Variants in DLGAP1 observed in about 807,000 individuals in gnomAD.
DLGAP1 encodes disks large-associated protein 1.
In DLGAP1, 11 loss-of-function variants were observed where a neutral mutation model predicts 90.8. That is an observed-to-expected ratio of 0.12 (90% CI 0.08 to 0.20). The LOEUF (loss-of-function observed/expected upper bound fraction) is 0.20, where lower values mean the gene tolerates loss of function less well. DLGAP1 is among the 10% of genes least tolerant of loss of function. The probability of loss-of-function intolerance (pLI) is 1.00; values close to 1 mark genes in which losing one functional copy is unlikely to be tolerated. For missense variants in DLGAP1, 1,050 were observed against 1,333.8 expected (o/e 0.79, Z 3.31); for synonymous variants, 558 against 540.7 (o/e 1.03, Z -0.44).
chr18:4,363,911 T>C (rs1217869607), intron 1 of DLGAP1, among the ~76,000 whole-genome samples: 2 of 152,068 alleles, frequency 1.3e-5, no homozygotes, highest in Non-Finnish European at 2.9e-5. Context: ...ACTGGGTATA[T>C]ACCCAAAGGA....
intron 2 of DLGAP1, among the ~76,000 whole-genome samples, chr18:4,052,073 T>C (rs2075141936): frequency 6.6e-6 from 1 of 152,170 alleles, no homozygotes; most frequent in East Asian, 1.9e-4. Flanking sequence ...CTGGCTGCTT[T>C]CATGGGCTGG....
At chr18:4,076,672 G>A (rs932917734) in intron 2 of DLGAP1, among the ~76,000 whole-genome samples, 3 of 151,944 alleles carry the variant, frequency 2.0e-5, no homozygotes, top group African/African-American at 7.3e-5. Flanking sequence ...TGCCCAGACT[G>A]GAGTGCAGTG....
At chr18:3,848,630 T>C (rs1444733340) in intron 4 of DLGAP1, among the ~76,000 whole-genome samples, 2 of 152,146 alleles carry the variant, frequency 1.3e-5, no homozygotes, top group Non-Finnish European at 2.9e-5. Flanking sequence ...TGTACTTCAG[T>C]GAATGGAACA....
At chr18:4,373,283 C>A (rs2144237130) in intron 1 of DLGAP1, among the ~76,000 whole-genome samples, 1 of 152,056 alleles carries the variant, frequency 6.6e-6, no homozygotes, top group South Asian at 2.1e-4. Flanking sequence ...AAACTGAAGA[C>A]AAGCAGGAGG....
intron 2 of DLGAP1, among the ~76,000 whole-genome samples, chr18:4,053,214 TTTAA>T (rs1424872371): frequency 6.6e-6 from 1 of 152,124 alleles, no homozygotes; most frequent in Non-Finnish European, 1.5e-5. Flanking sequence ...TGGAAAAAGG[TTTAA>T]TTGACTCACA....
At chr18:4,007,111 A>G (rs1329903131) in intron 2 of DLGAP1, among the ~76,000 whole-genome samples, 2 of 152,188 alleles carry the variant, frequency 1.3e-5, no homozygotes, top group Non-Finnish European at 2.9e-5. Flanking sequence ...ATACAAGAAT[A>G]ACCCTGGTGA....
chr18:3,583,589 G>A (rs140948361), intron 7 of DLGAP1, among the ~76,000 whole-genome samples: 25 of 152,238 alleles, frequency 1.6e-4, no homozygotes, highest in Admixed American at 3.9e-4. Flanking sequence ...ATCAGTCTTC[G>A]TGGGTTTGGT....
At chr18:3,644,920 T>C (rs1356732002) in intron 7 of DLGAP1, among the ~76,000 whole-genome samples, 1 of 152,116 alleles carries the variant, frequency 6.6e-6, no homozygotes, top group East Asian at 1.9e-4. Context: ...AGCTGTACAA[T>C]AGTGTACATA....
At chr18:3,768,854 C>A (rs1386270480) in intron 5 of DLGAP1, among the ~76,000 whole-genome samples, 1 of 152,086 alleles carries the variant, frequency 6.6e-6, no homozygotes, top group Non-Finnish European at 1.5e-5. Context: ...CTTTGGGATT[C>A]TAAGCTAGGC....
At chr18:3,838,931 A>G (rs1228317282) in intron 4 of DLGAP1, among the ~76,000 whole-genome samples, 1 of 152,226 alleles carries the variant, frequency 6.6e-6, no homozygotes, top group Non-Finnish European at 1.5e-5. Context: ...GTTAAAAAAA[A>G]ATCATGTCAT....
At chr18:3,627,661 C>G (rs1191121131) in intron 7 of DLGAP1, among the ~76,000 whole-genome samples, 1 of 151,754 alleles carries the variant, frequency 6.6e-6, no homozygotes, top group Non-Finnish European at 1.5e-5. Flanking sequence ...CCTTCTTTCT[C>G]TGCTATATAT....
intron 2 of DLGAP1, among the ~76,000 whole-genome samples, chr18:4,032,421 A>G (rs183328893): frequency 2.4e-4 from 37 of 152,330 alleles, no homozygotes; most frequent in Non-Finnish European, 3.5e-4. Context: ...TTTTTCCCCA[A>G]TAAAGTTTTG....
At chr18:3,688,082 T>C (rs2060763794) in intron 7 of DLGAP1, among the ~76,000 whole-genome samples, 1 of 152,008 alleles carries the variant, frequency 6.6e-6, no homozygotes, top group African/African-American at 2.4e-5. Flanking sequence ...AATTTTTGTA[T>C]TTTGTTTTAG....
chr18:3,628,106 C>G (rs2058373085), intron 7 of DLGAP1, among the ~76,000 whole-genome samples: 1 of 151,810 alleles, frequency 6.6e-6, no homozygotes, highest in African/African-American at 2.4e-5. Flanking sequence ...GATCTCCTGA[C>G]CTCAAGTGGT....
chr18:4,392,288 T>C (rs1221491463), intron 1 of DLGAP1, among the ~76,000 whole-genome samples: 2 of 152,264 alleles, frequency 1.3e-5, no homozygotes, highest in African/African-American at 4.8e-5. Flanking sequence ...GCTGCTCATA[T>C]CCAGGTGGGA....
chr18:3,665,895 T>C (rs1051397692), intron 7 of DLGAP1, among the ~76,000 whole-genome samples: 1 of 152,202 alleles, frequency 6.6e-6, no homozygotes, highest in Non-Finnish European at 1.5e-5. Context: ...ATTAAAGAGC[T>C]GGGCAGGAGG....
intron 7 of DLGAP1, chr18:3,593,812 A>T (rs1233018703): frequency 6.6e-6 from 1 of 152,170 alleles, no homozygotes; most frequent in Admixed American, 6.5e-5. Context: ...CTGCTAATCA[A>T]ACGCAACATT....
At chr18:4,385,803 T>G (rs2082218417) in intron 1 of DLGAP1, among the ~76,000 whole-genome samples, 1 of 152,292 alleles carries the variant, frequency 6.6e-6, no homozygotes, top group Non-Finnish European at 1.5e-5. Flanking sequence ...ACGAATAATT[T>G]CATAGTAGTG....
At chr18:3,596,982 C>G (rs2056613954) in intron 7 of DLGAP1, 1 of 520,022 alleles carries the variant, frequency 1.9e-6, no homozygotes, top group African/African-American at 1.9e-5. Flanking sequence ...ATTCTCCCCA[C>G]TTGGCCTCCC....
Sources: allele counts gnomAD v4.1 joint callset (sites outside exome capture counted in the v4.1 genomes callset), GRCh38; gene constraint gnomAD v4.1.1; transcripts MANE v1.5; gene names NCBI Gene and HGNC (gene_info 2026-07-23, HGNC 2026-07-21).